The following KCTD16 variants were observed in gnomAD, a reference collection of about 807,000 sequenced individuals.
KCTD16 encodes the protein BTB/POZ domain-containing protein KCTD16.
A neutral mutation model predicts 33.2 loss-of-function variants in KCTD16; 13 were observed. The ratio of observed to expected loss-of-function variants is 0.39; its 90% CI spans 0.25 to 0.62. KCTD16 has a LOEUF of 0.62. Among genes scored for constraint, KCTD16 ranks in the 20% least tolerant of loss-of-function variants. The pLI, the probability that KCTD16 is intolerant of heterozygous loss-of-function variation, is 0.50. For missense variants in KCTD16, 441 were observed against 525.1 expected, an observed-to-expected ratio of 0.84 and a Z score of 1.57; for synonymous variants, 197 against 195.3, an observed-to-expected ratio of 1.01 and a Z score of -0.07.
intron 3 of KCTD16, among the ~76,000 whole-genome samples, chr5:144,418,142 A>C (rs1198488799): frequency 6.6e-6 from 1 of 152,140 alleles, no homozygotes; most frequent in African/African-American, 2.4e-5. Context: ...CACTGGCTTC[A>C]GGAGTGAAGC....
intron 3 of KCTD16, among the ~76,000 whole-genome samples, chr5:144,304,923 G>A (rs944557473): frequency 1.3e-5 from 2 of 151,246 alleles, no homozygotes; most frequent in Non-Finnish European, 2.9e-5. Flanking sequence ...AGGGCCAAAG[G>A]CCCTTTTGTG....
intron 3 of KCTD16, among the ~76,000 whole-genome samples, chr5:144,453,273 C>G (rs575422215): frequency 5.5e-4 from 83 of 152,186 alleles, no homozygotes; most frequent in African/African-American, 1.8e-3. Context: ...TGTGACATCC[C>G]CAACAAGCCT....
At chr5:144,384,505 TTTTA>T (rs1243834900) in intron 3 of KCTD16, among the ~76,000 whole-genome samples, 4 of 152,314 alleles carry the variant, frequency 2.6e-5, no homozygotes, top group African/African-American at 7.2e-5. Flanking sequence ...TAACATAAAA[TTTTA>T]TTTATTTTTT....
intron 3 of KCTD16, among the ~76,000 whole-genome samples, chr5:144,210,715 G>A (rs2126793633): frequency 6.6e-6 from 1 of 152,204 alleles, no homozygotes; most frequent in Non-Finnish European, 1.5e-5. Flanking sequence ...ACAGGTGCAT[G>A]GAAATAAATG....
chr5:144,468,423 C>T (rs1173244899), intron 3 of KCTD16, among the ~76,000 whole-genome samples: 5 of 152,244 alleles, frequency 3.3e-5, no homozygotes, highest in East Asian at 3.9e-4. Context: ...TGTTCTTGCC[C>T]GTACTAACCA....
intron 3 of KCTD16, among the ~76,000 whole-genome samples, chr5:144,379,140 T>G (rs1752156441): frequency 6.6e-6 from 1 of 152,184 alleles, no homozygotes; most frequent in Non-Finnish European, 1.5e-5. Flanking sequence ...GGCAGGTATA[T>G]GCCTTTTACG....
chr5:144,299,367 G>A (rs562861531), intron 3 of KCTD16, among the ~76,000 whole-genome samples: 70 of 150,890 alleles, frequency 4.6e-4, no homozygotes, highest in African/African-American at 1.5e-3. Flanking sequence ...AACAACTTAC[G>A]ACATAGACAA....
intron 3 of KCTD16, among the ~76,000 whole-genome samples, chr5:144,465,279 G>A (rs762918344): frequency 6.3e-5 from 9 of 143,866 alleles, no homozygotes; most frequent in Non-Finnish European, 1.3e-4. Flanking sequence ...TTCTTTCTTC[G>A]AAGTACCCTG....
intron 3 of KCTD16, among the ~76,000 whole-genome samples, chr5:144,406,824 C>T (rs556044672): frequency 6.6e-6 from 1 of 152,268 alleles, no homozygotes; most frequent in Admixed American, 6.5e-5. Flanking sequence ...CAAGCTTCTG[C>T]TGGGGTATTT....
intron 3 of KCTD16, among the ~76,000 whole-genome samples, chr5:144,209,683 G>T (rs1261454910): frequency 6.6e-6 from 1 of 151,342 alleles, no homozygotes; most frequent in Non-Finnish European, 1.5e-5. Context: ...GTTGTGCTCG[G>T]GTTAATGGGA....
At chr5:144,328,203 T>C (rs1752259735) in intron 3 of KCTD16, among the ~76,000 whole-genome samples, 1 of 152,212 alleles carries the variant, frequency 6.6e-6, no homozygotes, top group Non-Finnish European at 1.5e-5. Context: ...TCTGCTCATA[T>C]TTTAGCCTGT....
At chr5:144,253,882 T>A (rs1396113000) in intron 3 of KCTD16, among the ~76,000 whole-genome samples, 2 of 152,208 alleles carry the variant, frequency 1.3e-5, no homozygotes, top group Non-Finnish European at 2.9e-5. Context: ...ACTTAAACTT[T>A]AAAAAATATG....
At chr5:144,458,377 C>G (rs540671379) in intron 3 of KCTD16, among the ~76,000 whole-genome samples, 1 of 152,264 alleles carries the variant, frequency 6.6e-6, no homozygotes, top group East Asian at 1.9e-4. Flanking sequence ...AGTACTGCCA[C>G]TTGATTTACA....
At chr5:144,312,684 T>C (rs1330601357) in intron 3 of KCTD16, among the ~76,000 whole-genome samples, 1 of 152,170 alleles carries the variant, frequency 6.6e-6, no homozygotes, top group Non-Finnish European at 1.5e-5. Flanking sequence ...AATGAGAAGG[T>C]GTCTGCCACA....
At chr5:144,317,392 C>T (rs758711282) in intron 3 of KCTD16, among the ~76,000 whole-genome samples, 6 of 152,160 alleles carry the variant, frequency 3.9e-5, no homozygotes, top group East Asian at 1.9e-4. Context: ...CACCTGCTAT[C>T]GGAAATCACC....
At chr5:144,419,682 A>G (rs1753165719) in intron 3 of KCTD16, among the ~76,000 whole-genome samples, 1 of 152,212 alleles carries the variant, frequency 6.6e-6, no homozygotes, top group Non-Finnish European at 1.5e-5. Context: ...ACTTTTCTGC[A>G]GAAGTGGAAA....
chr5:144,295,468 G>A (rs896857000), intron 3 of KCTD16, among the ~76,000 whole-genome samples: 1 of 152,152 alleles, frequency 6.6e-6, no homozygotes, highest in East Asian at 1.9e-4. Context: ...CAAACTCCAG[G>A]GGAGGCAGTG....
chr5:144,350,129 G>C (rs1375589347), intron 3 of KCTD16, among the ~76,000 whole-genome samples: 1 of 152,168 alleles, frequency 6.6e-6, no homozygotes, highest in Non-Finnish European at 1.5e-5. Context: ...GCACATTTGT[G>C]TTATGACCCC....
At chr5:144,389,615 A>G (rs1752405891) in intron 3 of KCTD16, among the ~76,000 whole-genome samples, 2 of 152,090 alleles carry the variant, frequency 1.3e-5, no homozygotes, top group South Asian at 4.1e-4. Context: ...GAAATAAGGG[A>G]CTCAATAAAT....
Sources: allele counts gnomAD v4.1 joint callset (sites outside exome capture counted in the v4.1 genomes callset), GRCh38; gene constraint gnomAD v4.1.1; transcripts MANE v1.5; gene names NCBI Gene and HGNC (gene_info 2026-07-23, HGNC 2026-07-21).